Variants in SHANK2 observed in about 807,000 individuals in gnomAD.
SHANK2 encodes the protein SH3 and multiple ankyrin repeat domains protein 2.
A neutral mutation model predicts 133.7 loss-of-function variants in SHANK2; 43 were observed. That is an observed-to-expected ratio of 0.32 (90% CI 0.25 to 0.41). The LOEUF is 0.41. SHANK2 is among the 10% of genes least tolerant of loss of function. The pLI is 1.00. For missense variants in SHANK2, 1,994 were observed against 2,235.8 expected, an observed-to-expected ratio of 0.89 and a Z score of 2.18; for synonymous variants, 1,017 against 952.8, an observed-to-expected ratio of 1.07 and a Z score of -1.24.
At position 70,485,133 on chromosome 11, in the gene SHANK2, G is replaced by A. The variant is rs1460662343; in HGVS notation, c.4979+181C>T. ...ACCAGGATGGCTGTGATCATTACTC[G>A]GCTATCCCGGAGTCCAGGAGCATGA... On this transcript the variant is annotated intron_variant, in intron 25 of 25. Transcript: ENST00000601538. This position sits in a 1 kb window ranked among gnomAD's most constrained non-coding sequence, Gnocchi z 5.8. Among the ~76,000 whole-genome samples the A allele has an allele frequency of 7.2e-5, 11 of 152,182 alleles. No individual in the cohort carries two copies. Among genetic ancestry groups the A allele is most frequent in the Admixed American group, 5.9e-4 (9 of 15,278 alleles).
chr11:70,473,032 T>A lies in SHANK2; in HGVS notation c.5387A>T (p.Glu1796Val). The A allele has an allele frequency of 6.2e-7, 1 of 1,614,168 alleles. No homozygotes were observed. The highest frequency in any genetic ancestry group is 8.5e-7 in the Non-Finnish European group (1 of 1,180,038). ...WTKPDVADWL[E>V]SLNLGEHKEA... ...TTTATGTTCACCCAAGTTTAGACTT[T>A]CCAGCCAATCGGCCACATCTGGTTT... Residue 1796 changes from glutamate to valine, a missense_variant, in exon 26 of 26, where the codon GAA (glutamate) becomes GTA (valine). Transcript: ENST00000601538. This position sits in a 1 kb window ranked among gnomAD's most constrained non-coding sequence, Gnocchi z 5.9.
chr11:70,720,603 G>C (rs1432491656), intron 14 of SHANK2, among the ~76,000 whole-genome samples: 3 of 152,224 alleles, frequency 2.0e-5, no homozygotes, highest in African/African-American at 7.2e-5. Context: ...CAGGAGGGAG[G>C]GCTGGAGATA....
chr11:71,189,039 C>T (rs186826436), intron 2 of SHANK2, among the ~76,000 whole-genome samples: 3 of 152,326 alleles, frequency 2.0e-5, no homozygotes, highest in Non-Finnish European at 2.9e-5. Context: ...CCAGGGAAGA[C>T]GGAGCTCCCA....
In SHANK2 at chr11:70,468,567, A is replaced by G. The variant is rs1376529349; in HGVS notation, c.*4302T>C. ...AATGCCTCCAATTTCAAGTAAAAGAAAAAATCTTCCAATAATTTTCCTAGT... is the reference window on the plus strand; with the variant it reads ...AATGCCTCCAATTTCAAGTAAAAGAGAAAATCTTCCAATAATTTTCCTAGT... On this transcript the variant is annotated 3_prime_UTR_variant, in exon 26 of 26. Transcript: ENST00000601538. 1.3e-5 allele frequency: 2 copies of G among 152,248 alleles called. No individual in the cohort carries two copies. The highest frequency in any genetic ancestry group is 4.8e-5 in the African/African-American group (2 of 41,472). 9.4% of individuals were successfully genotyped at this position (152,248 alleles called of 1,614,324 possible). A position where few individuals can be genotyped will look rare whatever the true frequency, so the allele number is the denominator to read the frequency against.
intron 17 of SHANK2, among the ~76,000 whole-genome samples, chr11:70,608,921 A>G (rs1197077175): frequency 6.6e-6 from 1 of 152,268 alleles, no homozygotes; most frequent in African/African-American, 2.4e-5. Context: ...GAATAACGAG[A>G]TAATGGAAAC....
At chr11:70,495,461 C>T (rs1302619453) in intron 21 of SHANK2, among the ~76,000 whole-genome samples, 1 of 152,214 alleles carries the variant, frequency 6.6e-6, no homozygotes, top group Non-Finnish European at 1.5e-5. Context: ...CTTGGTCTAT[C>T]CCTGGAAATG....
intron 10 of SHANK2, chr11:70,942,733 G>A: frequency 2.2e-6 from 1 of 456,424 alleles, no homozygotes; most frequent in South Asian, 1.5e-5. Context: ...AGCATCAGTT[G>A]CACTCTGCCC....
At chr11:70,641,194 C>T (rs2061175461) in intron 17 of SHANK2, among the ~76,000 whole-genome samples, 1 of 150,422 alleles carries the variant, frequency 6.6e-6, no homozygotes, top group East Asian at 2.0e-4. Context: ...CTCCTGGGTT[C>T]ACACCGTTCT....
intron 15 of SHANK2, among the ~76,000 whole-genome samples, chr11:70,672,578 T>C (rs1944833776): frequency 6.6e-6 from 1 of 152,276 alleles, no homozygotes; most frequent in Non-Finnish European, 1.5e-5. Context: ...GCCAGGCTGC[T>C]GTCCCTGCAG....
At chr11:71,113,222 G>T in intron 5 of SHANK2, 71 bp downstream of exon 5, 1 of 1,367,922 alleles carries the variant, frequency 7.3e-7, no homozygotes, top group South Asian at 1.2e-5. Context: ...AGCGTCTAAA[G>T]ATAACACAAC....
In SHANK2 at chr11:70,874,612, G is replaced by A. The variant is rs1949526397; in HGVS notation, c.1174+21889C>T. The stretch of plus-strand genomic sequence containing the variant: ...GAAAGAATGAATGTCAATTTTAAAG[G>A]TATTATCCAAATCCAATAAAATAGT... On this transcript the variant is annotated intron_variant, in intron 11 of 25. Coordinates refer to ENST00000601538, the MANE Select transcript of SHANK2 (RefSeq NM_012309.5). Among the ~76,000 whole-genome samples, 7 of 144,722 alleles carry A rather than the reference G, an allele frequency of 4.8e-5. No individual in the cohort carries two copies. The South Asian group carries it at 1.6e-3, about 32-fold the overall frequency. The allele number at this position is 144,722 out of a possible 152,430, so 94.9% of individuals were successfully genotyped here.
intron 14 of SHANK2, among the ~76,000 whole-genome samples, chr11:70,750,251 A>G (rs1195052112): frequency 6.6e-6 from 1 of 152,242 alleles, no homozygotes. Context: ...AAGTGTGGAT[A>G]AAAAGAGCTT....
chr11:71,248,631 C>T (rs782730453), intron 1 of SHANK2, among the ~76,000 whole-genome samples: 1 of 152,134 alleles, frequency 6.6e-6, no homozygotes, highest in Non-Finnish European at 1.5e-5. Context: ...GGAAAATGCT[C>T]GGTGAGAGTC....
intron 10 of SHANK2, among the ~76,000 whole-genome samples, chr11:70,919,019 C>T (rs1950309704): frequency 6.6e-6 from 1 of 151,880 alleles, no homozygotes; most frequent in Non-Finnish European, 1.5e-5. Context: ...TAAAAATGTA[C>T]CGGGTGTGGT....
At chr11:70,596,164 T>C (rs720629) in intron 17 of SHANK2, among the ~76,000 whole-genome samples, 19,780 of 152,266 alleles carry the variant, frequency 0.13, 1,771 homozygotes, top group Middle Eastern at 0.21. Flanking sequence ...TGAGCTGTCC[T>C]GCGTGTGGTG....
At chr11:70,874,821 T>C (rs1949530985) in intron 11 of SHANK2, among the ~76,000 whole-genome samples, 2 of 152,196 alleles carry the variant, frequency 1.3e-5, no homozygotes, top group South Asian at 4.1e-4. Flanking sequence ...ATAGTTACTG[T>C]GCCCTCATGT....
chr11:70,478,506 C>T (rs782134486), intron 25 of SHANK2, among the ~76,000 whole-genome samples: 18 of 152,230 alleles, frequency 1.2e-4, no homozygotes, highest in Non-Finnish European at 2.4e-4. Context: ...CACTTATTTC[C>T]AAACTGCTTT....
chr11:70,578,137 G>A (rs1252141680), intron 17 of SHANK2, among the ~76,000 whole-genome samples: 1 of 152,204 alleles, frequency 6.6e-6, no homozygotes, highest in Non-Finnish European at 1.5e-5. Flanking sequence ...ACTTAGTGCG[G>A]TGCCATGGCA....
intron 10 of SHANK2, among the ~76,000 whole-genome samples, chr11:70,914,839 C>T (rs1555079630): frequency 6.8e-6 from 1 of 147,690 alleles, no homozygotes; most frequent in Non-Finnish European, 1.5e-5. Flanking sequence ...TTTGAGGCTG[C>T]AGTGAGCTAT....
Sources: allele counts gnomAD v4.1 joint callset (sites outside exome capture counted in the v4.1 genomes callset), GRCh38; gene constraint gnomAD v4.1.1; non-coding constraint Gnocchi (gnomAD v3.1); transcripts MANE v1.5; gene names NCBI Gene and HGNC (gene_info 2026-07-23, HGNC 2026-07-21).